PRDM2: variants seen among roughly 807,000 people sequenced by gnomAD.
PRDM2 encodes PR/SET domain 2.
In PRDM2, 30 loss-of-function variants were observed where a neutral mutation model predicts 130.0. The observed-to-expected ratio is 0.23, with a 90% CI of 0.17 to 0.31. The LOEUF is 0.31. PRDM2 is among the 10% of genes least tolerant of loss of function. The pLI, the probability that PRDM2 is intolerant of heterozygous loss-of-function variation, is 1.00. For missense variants in PRDM2, 2,011 were observed against 2,108.4 expected, an observed-to-expected ratio of 0.95 and a Z score of 0.90; for synonymous variants, 871 against 782.4, an observed-to-expected ratio of 1.11 and a Z score of -1.89.
At chr1:13,711,607 A>G (rs558793948) in intron 1 of PRDM2, among the ~76,000 whole-genome samples, 179 of 152,336 alleles carry the variant, frequency 1.2e-3, no homozygotes, top group Non-Finnish European at 2.1e-3. Context: ...GACTCCGCCC[A>G]GGTCTTACTT....
At chr1:13,770,324 T>G (rs764834260) in intron 6 of PRDM2, 1 of 493,148 alleles carries the variant, frequency 2.0e-6, no homozygotes, top group Non-Finnish European at 4.0e-6. Flanking sequence ...AAATAGCACT[T>G]ATGTTTTAGA....
chr1:13,813,768 A>G (rs550345991), intron 8 of PRDM2, among the ~76,000 whole-genome samples: 2 of 152,214 alleles, frequency 1.3e-5, no homozygotes, highest in South Asian at 4.2e-4. Context: ...TACTCGTTCC[A>G]CCCAGATGGA....
rs1330174270 is a variant in PRDM2 at position 13,816,622 on chromosome 1, G to T, written c.*23+52G>T. The stretch of plus-strand genomic sequence containing the variant: ...GGCACTGTTTGGGTGGGTCAAGGGG[G>T]TGTGGGCTTGGGTCTTGGGTGGGGA... On this transcript the variant is annotated intron_variant, in intron 9 of 9. Coordinates refer to ENST00000311066, the MANE Select transcript of PRDM2 (RefSeq NM_001393986.1). 3.1e-6 allele frequency: 5 copies of T among 1,595,638 alleles called. No homozygotes were observed. The South Asian group carries it at 5.6e-5, about 18-fold the overall frequency.
intron 8 of PRDM2, among the ~76,000 whole-genome samples, chr1:13,804,206 CTG>C (rs1645053393): frequency 6.6e-6 from 1 of 152,186 alleles, no homozygotes; most frequent in Admixed American, 6.5e-5. Context: ...TCATGGTCAA[CTG>C]TGTTGTCCCC....
chr1:13,707,220 A>G (rs1642235785), intron 1 of PRDM2, among the ~76,000 whole-genome samples: 1 of 152,176 alleles, frequency 6.6e-6, no homozygotes, highest in Non-Finnish European at 1.5e-5. Flanking sequence ...GAGAGTCTTC[A>G]TGTGAGACAT....
intron 2 of PRDM2, among the ~76,000 whole-genome samples, chr1:13,717,647 C>T (rs1642585095): frequency 6.6e-6 from 1 of 150,892 alleles, no homozygotes; most frequent in Non-Finnish European, 1.5e-5. Context: ...AAAAAGTCTG[C>T]TTGCCAGTCA....
intron 8 of PRDM2, among the ~76,000 whole-genome samples, chr1:13,801,614 G>A (rs1264589883): frequency 1.3e-5 from 2 of 152,202 alleles, no homozygotes; most frequent in Admixed American, 1.3e-4. Flanking sequence ...ATGCACTAGT[G>A]CCCGTCTCCT....
chr1:13,726,800 G>A (rs142322528), intron 2 of PRDM2, among the ~76,000 whole-genome samples: 308 of 152,152 alleles, frequency 2.0e-3, no homozygotes, highest in Non-Finnish European at 3.6e-3. Flanking sequence ...CAGCTAATAG[G>A]GAAGCAGAGA....
At chr1:13,737,305 A>G (rs1643302022) in intron 4 of PRDM2, among the ~76,000 whole-genome samples, 1 of 152,266 alleles carries the variant, frequency 6.6e-6, no homozygotes. Flanking sequence ...TATGCAAATT[A>G]TATGAAATTC....
At chr1:13,811,431 T>C (rs1208763270) in intron 8 of PRDM2, among the ~76,000 whole-genome samples, 1 of 152,154 alleles carries the variant, frequency 6.6e-6, no homozygotes, top group Non-Finnish European at 1.5e-5. Flanking sequence ...GAGGCAGTGC[T>C]GGGAGCGCAC....
intron 8 of PRDM2, among the ~76,000 whole-genome samples, chr1:13,805,585 A>G (rs1255128770): frequency 6.6e-6 from 1 of 152,122 alleles, no homozygotes; most frequent in African/African-American, 2.4e-5. Flanking sequence ...GCATCATCAC[A>G]GGCTTGTCTT....
chr1:13,707,821 CTTT>C (rs200792048), intron 1 of PRDM2, among the ~76,000 whole-genome samples: 3 of 138,290 alleles, frequency 2.2e-5, no homozygotes, highest in Non-Finnish European at 3.2e-5. Flanking sequence ...GACAATAATT[CTTT>C]TTTTTTTTTT....
chr1:13,772,476 A>G (rs1415033784), intron 6 of PRDM2, among the ~76,000 whole-genome samples: 1 of 152,246 alleles, frequency 6.6e-6, no homozygotes, highest in African/African-American at 2.4e-5. Context: ...CTGGACCTAC[A>G]GTCAGATCCC....
intron 8 of PRDM2, among the ~76,000 whole-genome samples, chr1:13,794,968 T>C (rs1644900168): frequency 6.6e-6 from 1 of 152,230 alleles, no homozygotes; most frequent in African/African-American, 2.4e-5. Flanking sequence ...AGCTGCTTCC[T>C]TCTTATAGCA....
At chr1:13,743,956 A>G (rs1023134426) in intron 5 of PRDM2, among the ~76,000 whole-genome samples, 1 of 152,212 alleles carries the variant, frequency 6.6e-6, no homozygotes, top group African/African-American at 2.4e-5. Context: ...GGATTCAAGA[A>G]TGCATTGTTT....
chr1:13,812,185 A>G (rs1645184660), intron 8 of PRDM2, among the ~76,000 whole-genome samples: 1 of 151,414 alleles, frequency 6.6e-6, no homozygotes, highest in South Asian at 2.1e-4. Flanking sequence ...AAGTGGGGAC[A>G]GTGCAGTGGC....
At position 13,731,015 on chromosome 1, in the gene PRDM2, G is replaced by C; in HGVS notation, c.25G>C (p.Val9Leu). The change falls in exon 3 of 10, where the codon GTG becomes CTG. Residue 9 changes from valine to leucine, a missense_variant. Around this residue, in one of 5 missense-constraint regions of PRDM2, gnomAD observed 79 missense variants for 93.6 expected, o/e 0.84. Transcript: ENST00000311066. MNQNTTEP[V>L]AATETLAEVP... Reference sequence around the variant, plus strand: ...TGACTTGCAGAACACTACTGAGCCTGTGGCGGCCACCGAGACCCTGGCTGA... The same window carrying C: ...TGACTTGCAGAACACTACTGAGCCTCTGGCGGCCACCGAGACCCTGGCTGA... The C allele has an allele frequency of 1.3e-6, 2 of 1,584,492 alleles. No individual in the cohort carries two copies. Among genetic ancestry groups the C allele is most frequent in the African/African-American group, 2.9e-5 (2 of 67,830 alleles).
chr1:13,786,646 G>A, intron 8 of PRDM2: 1 of 1,555,180 alleles, frequency 6.4e-7, no homozygotes, highest in South Asian at 1.2e-5. Flanking sequence ...AGTTGAAGCT[G>A]ACTCAAAAAT....
At position 13,824,083 on chromosome 1, in the gene PRDM2, C is replaced by T. The variant is rs1645396848; in HGVS notation, c.*948C>T. On this transcript the variant is annotated 3_prime_UTR_variant, in exon 10 of 10. Coordinates refer to ENST00000311066, the MANE Select transcript of PRDM2 (RefSeq NM_001393986.1). Reference sequence around the variant, plus strand: ...GAAGAGATTTCGGAGGCCATCCTGCCAGGGGCGGACGGGGCTGACTCCTGC... The same window carrying T: ...GAAGAGATTTCGGAGGCCATCCTGCTAGGGGCGGACGGGGCTGACTCCTGC... The T allele has an allele frequency of 6.6e-6, 1 of 152,636 alleles. No homozygotes were observed. Among genetic ancestry groups the T allele is most frequent in the South Asian group, 2.1e-4 (1 of 4,828 alleles). 9.5% of individuals were successfully genotyped at this position (152,636 alleles called of 1,614,324 possible).
Sources: gnomAD v4.1 joint callset for allele counts (sites outside exome capture counted in the v4.1 genomes callset) on GRCh38, gnomAD v4.1.1 for gene constraint, gnomAD v4.1.1 regional missense constraint, MANE v1.5 for transcripts, NCBI Gene and HGNC (gene_info 2026-07-23, HGNC 2026-07-21) for gene names.